MTHFD2L: variants seen among roughly 807,000 people sequenced by gnomAD.
MTHFD2L encodes bifunctional methylenetetrahydrofolate dehydrogenase/cyclohydrolase 2, mitochondrial.
A neutral mutation model predicts 34.9 loss-of-function variants in MTHFD2L; 29 were observed. That is an observed-to-expected ratio of 0.83 (90% CI 0.62 to 1.13). The LOEUF (loss-of-function observed/expected upper bound fraction) is 1.13, where lower values mean the gene tolerates loss of function less well. Among genes scored for constraint, MTHFD2L ranks in the 50% most tolerant of loss-of-function variants. The pLI, the probability that MTHFD2L is intolerant of heterozygous loss-of-function variation, is 0.00. For synonymous variants in MTHFD2L, 167 were observed against 155.7 expected, an observed-to-expected ratio of 1.07 and a Z score of -0.54; for missense variants, 481 against 446.5, an observed-to-expected ratio of 1.08 and a Z score of -0.70.
chr4:74,157,257 G>A (rs972268241), upstream of MTHFD2L: 30 of 192,914 alleles, frequency 1.6e-4, no homozygotes, highest in African/African-American at 6.0e-4. Context: ...TAAAAAACAA[G>A]TTTTCTCAGT....
At chr4:74,198,217 T>C (rs1243413610) in intron 3 of MTHFD2L, among the ~76,000 whole-genome samples, 1 of 152,214 alleles carries the variant, frequency 6.6e-6, no homozygotes, top group East Asian at 1.9e-4. Context: ...TTACATTTCT[T>C]CTCAAGTATT....
At chr4:74,157,589 T>C (rs1006359397), upstream of MTHFD2L, 1 of 442,430 alleles carries the variant, frequency 2.3e-6, no homozygotes, top group African/African-American at 2.0e-5. Context: ...ATAGAAATCC[T>C]AAAGTCCAGA....
chr4:74,115,512 AG>A (rs1375889223), intron 2 of MTHFD2L, among the ~76,000 whole-genome samples: 1 of 152,252 alleles, frequency 6.6e-6, no homozygotes, highest in African/African-American at 2.4e-5. Context: ...ACACTAGCTC[AG>A]AAGAGGACAA....
At chr4:74,182,467 T>C (rs1730377742) in intron 3 of MTHFD2L, among the ~76,000 whole-genome samples, 1 of 152,236 alleles carries the variant, frequency 6.6e-6, no homozygotes, top group Non-Finnish European at 1.5e-5. Context: ...GCATATTTTA[T>C]AACTTGAATA....
chr4:74,258,830 T>C (rs1422381872), intron 6 of MTHFD2L, among the ~76,000 whole-genome samples: 1 of 152,180 alleles, frequency 6.6e-6, no homozygotes, highest in Non-Finnish European at 1.5e-5. Context: ...ATATTTTTTA[T>C]TAAGTCAGGA....
chr4:74,219,144 T>G (rs1190750892), intron 5 of MTHFD2L, among the ~76,000 whole-genome samples: 1 of 152,058 alleles, frequency 6.6e-6, no homozygotes, highest in Non-Finnish European at 1.5e-5. Context: ...TATCAGAAAC[T>G]CGAGCATTTG....
At position 74,281,436 on chromosome 4, in the gene MTHFD2L, T is replaced by A; in HGVS notation, c.817T>A (p.Leu273Met). 8 of 1,612,276 alleles carry A rather than the reference T, an allele frequency of 5.0e-6. No individual in the cohort carries two copies. Among genetic ancestry groups the A allele is most frequent in the Non-Finnish European group, 6.8e-6 (8 of 1,179,010 alleles). ...CTTTTTGTTTTCAGGTATTCCAAAG[T>A]TGATTACGTCTGATATGGTTAAAGA... is the stretch of plus-strand genomic sequence containing the variant. ...IIIVAAGIPK[L>M]ITSDMVKEGA... The change falls in exon 7 of 8, where the codon TTG becomes ATG. Residue 273 changes from leucine to methionine, a missense_variant. Leu to Met is a conservative substitution (Grantham distance 15, BLOSUM62 2). Transcript: ENST00000325278.
chr4:74,137,356 A>G (rs1398541138), intron 1 of MTHFD2L, among the ~76,000 whole-genome samples: 1 of 152,210 alleles, frequency 6.6e-6, no homozygotes, highest in Non-Finnish European at 1.5e-5. Context: ...TAACAGCTAT[A>G]TTAAAGTAAT....
intron 6 of MTHFD2L, among the ~76,000 whole-genome samples, chr4:74,257,579 T>C (rs1288303944): frequency 2.0e-5 from 3 of 152,182 alleles, no homozygotes; most frequent in South Asian, 2.1e-4. Context: ...GTTATAACTA[T>C]GTGTGTATCA....
upstream of MTHFD2L, among the ~76,000 whole-genome samples, chr4:74,119,180 G>A (rs1010624739): frequency 6.6e-6 from 1 of 152,188 alleles, no homozygotes; most frequent in Non-Finnish European, 1.5e-5. Flanking sequence ...CTGGTTGCTG[G>A]CTTTATAGTG....
At chr4:74,166,892 A>G (rs573064856) in intron 1 of MTHFD2L, among the ~76,000 whole-genome samples, 10 of 152,316 alleles carry the variant, frequency 6.6e-5, no homozygotes, top group African/African-American at 2.4e-4. Flanking sequence ...GGTTCTAGGT[A>G]CCAGGTCTTC....
At chr4:74,270,573 A>G (rs1197390941) in intron 6 of MTHFD2L, among the ~76,000 whole-genome samples, 1 of 152,166 alleles carries the variant, frequency 6.6e-6, no homozygotes, top group East Asian at 1.9e-4. Flanking sequence ...TCTATCATTA[A>G]TGGACATTTG....
chr4:74,246,606 T>C (rs1163039295), intron 6 of MTHFD2L, among the ~76,000 whole-genome samples: 1 of 152,156 alleles, frequency 6.6e-6, no homozygotes, highest in Non-Finnish European at 1.5e-5. Flanking sequence ...GTTTTTACAG[T>C]TTTAGGTCTA....
At chr4:74,122,251 C>G (rs544974522), upstream of MTHFD2L, among the ~76,000 whole-genome samples, 1 of 152,154 alleles carries the variant, frequency 6.6e-6, no homozygotes, top group Non-Finnish European at 1.5e-5. Flanking sequence ...TTAATTGACT[C>G]ACAATTCTGC....
intron 1 of MTHFD2L, chr4:74,143,536 AC>A (rs1578249932): frequency 3.1e-6 from 2 of 641,396 alleles, no homozygotes; most frequent in Non-Finnish European, 3.9e-6. Flanking sequence ...GTTCCCTGGA[AC>A]CCATGTCAGC....
intron 6 of MTHFD2L, among the ~76,000 whole-genome samples, chr4:74,278,554 C>T (rs1263183669): frequency 6.6e-6 from 1 of 152,098 alleles, no homozygotes; most frequent in Non-Finnish European, 1.5e-5. Flanking sequence ...TTGACTCACT[C>T]ATTTCTGATG....
At chr4:74,248,659 C>T (rs1476091024) in intron 6 of MTHFD2L, among the ~76,000 whole-genome samples, 1 of 148,728 alleles carries the variant, frequency 6.7e-6, no homozygotes, top group African/African-American at 2.5e-5. Flanking sequence ...TGAATGTGTC[C>T]CAGAGATTCT....
At chr4:74,158,113 A>T, upstream of MTHFD2L, 1 of 1,530,182 alleles carries the variant, frequency 6.5e-7, no homozygotes, top group Non-Finnish European at 8.8e-7. Flanking sequence ...GTGGAGCCCC[A>T]GTCCGGAAGC....
intron 5 of MTHFD2L, 87 bp from the exon 6 acceptor site, chr4:74,225,215 A>C (rs1738948988): frequency 1.0e-6 from 1 of 1,000,628 alleles, no homozygotes; most frequent in Non-Finnish European, 1.5e-6. Context: ...TATTCTTAGG[A>C]AATAAGTGAA....
Sources: allele counts gnomAD v4.1 joint callset (sites outside exome capture counted in the v4.1 genomes callset), GRCh38; gene constraint gnomAD v4.1.1; transcripts MANE v1.5; gene names NCBI Gene and HGNC (gene_info 2026-07-23, HGNC 2026-07-21).